HSBP1: variants seen among roughly 807,000 people sequenced by gnomAD.
The protein encoded by HSBP1 is heat shock factor-binding protein 1.
A neutral mutation model predicts 9.6 loss-of-function variants in HSBP1; 5 were observed. That is an observed-to-expected ratio of 0.52 (90% CI 0.27 to 1.09). HSBP1 has a LOEUF of 1.09. Among genes scored for constraint, HSBP1 ranks in the 50% least tolerant of loss-of-function variants. The probability of loss-of-function intolerance (pLI) is 0.11; values close to 1 mark genes in which losing one functional copy is unlikely to be tolerated. For missense variants in HSBP1, 121 were observed against 96.3 expected, an observed-to-expected ratio of 1.26 and a Z score of -1.07; for synonymous variants, 42 against 33.3, an observed-to-expected ratio of 1.26 and a Z score of -0.90.
rs1904741585 is a variant in HSBP1, at chr16:83,817,257, A to G, written c.*5839A>G. 1 of 152,258 alleles carries G rather than the reference A, an allele frequency of 6.6e-6. No individual in the cohort carries two copies. Among genetic ancestry groups the G allele is most frequent in the South Asian group, 2.1e-4 (1 of 4,838 alleles). 9.4% of individuals were successfully genotyped at this position (152,258 alleles called of 1,614,324 possible). ...CGTGTCAACCCAGCTGACACGTCCA[A>G]CTTGGACAATCAGGGCTTTGACCCC... On this transcript the variant is annotated 3_prime_UTR_variant, in exon 4 of 4. Transcript: ENST00000433866.
rs899821109 is a variant in HSBP1, at chr16:83,817,693, T to C, written c.*6275T>C. 2 of 152,248 alleles carry C rather than the reference T, an allele frequency of 1.3e-5. No homozygotes were observed. The highest frequency in any genetic ancestry group is 1.3e-4 in the Admixed American group (2 of 15,288). The allele number at this position is 152,248 out of a possible 1,614,324, so 9.4% of individuals were successfully genotyped here. On this transcript the variant is annotated 3_prime_UTR_variant, in exon 4 of 4. Coordinates refer to ENST00000433866, the MANE Select transcript of HSBP1 (RefSeq NM_001537.4). The stretch of plus-strand genomic sequence containing the variant: ...TATTAAATATCTTAAAGGTCTTTTA[T>C]GCAGAATATGCAGTTAATTTTGATG...
Position 83,812,164 on chromosome 16 carries a change from C to T in HSBP1, c.*746C>T, listed in dbSNP as rs1288508991. The T allele has an allele frequency of 6.6e-6, 1 of 152,600 alleles. No individual in the cohort carries two copies. 9.5% of individuals were successfully genotyped at this position (152,600 alleles called of 1,614,324 possible). On this transcript the variant is annotated 3_prime_UTR_variant, in exon 4 of 4. Transcript: ENST00000433866. ...TCAGTAGGACCCTACCTACGTGGTT[C>T]ATCTACAATGGTTACCATAAAAAAT...
At position 83,814,191 on chromosome 16, in the gene HSBP1, C is replaced by G. The variant is rs1336476045; in HGVS notation, c.*2773C>G. ...TGCAGGATGTGTTGTCATATCTAGC[C>G]CTGAAAGTTAACTGGTTACAGTTAC... On this transcript the variant is annotated 3_prime_UTR_variant, in exon 4 of 4. Coordinates refer to ENST00000433866, the MANE Select transcript of HSBP1 (RefSeq NM_001537.4). 1 of 152,134 alleles carries G rather than the reference C, an allele frequency of 6.6e-6. No individual in the cohort carries two copies. The highest frequency in any genetic ancestry group is 2.4e-5 in the African/African-American group (1 of 41,410). 9.4% of individuals were successfully genotyped at this position (152,134 alleles called of 1,614,324 possible).
At chr16:83,810,097 T>C (rs1209059304) in intron 3 of HSBP1, among the ~76,000 whole-genome samples, 1 of 151,944 alleles carries the variant, frequency 6.6e-6, no homozygotes, top group African/African-American at 2.4e-5. Flanking sequence ...AGATTTTCCA[T>C]TGCTTTTTTT....
rs577261966 is a variant in HSBP1 at position 83,818,379 on chromosome 16, A to G, written c.*6961A>G. The G allele has an allele frequency of 1.6e-4, 25 of 152,306 alleles. No homozygotes were observed. The highest frequency in any genetic ancestry group is 5.8e-4 in the African/African-American group (24 of 41,572). 9.4% of individuals were successfully genotyped at this position (152,306 alleles called of 1,614,324 possible). On this transcript the variant is annotated 3_prime_UTR_variant, in exon 4 of 4. Coordinates refer to ENST00000433866, the MANE Select transcript of HSBP1 (RefSeq NM_001537.4). Reference sequence around the variant, plus strand: ...AACTCTGGAATCACTGACCCCAGACATTGTTCCCTGCCATCCACTCTGCCA... The same window carrying G: ...AACTCTGGAATCACTGACCCCAGACGTTGTTCCCTGCCATCCACTCTGCCA...
chr16:83,808,175 C>G (rs914547108), intron 1 of HSBP1, 54 bp downstream of exon 1: 2 of 1,468,374 alleles, frequency 1.4e-6, no homozygotes, highest in African/African-American at 1.4e-5. Flanking sequence ...CGGCGCCGGG[C>G]CAAGCCCTGC....
At position 83,808,738 on chromosome 16, in the gene HSBP1, T is replaced by G; in HGVS notation, c.104T>G (p.Ile35Ser). 6.2e-7 allele frequency: 1 copy of G among 1,610,334 alleles called. No individual in the cohort carries two copies. The highest frequency in any genetic ancestry group is 8.5e-7 in the Non-Finnish European group (1 of 1,177,106). The change falls in exon 2 of 4, where the codon ATT (isoleucine) becomes AGT (serine). Residue 35 changes from isoleucine (I) to serine (S), a missense_variant. By Grantham distance (142) the Ile-to-Ser change is moderately radical. Coordinates refer to ENST00000433866, the MANE Select transcript of HSBP1 (RefSeq NM_001537.4). ...TTTCAGACCATGTCTGACCAGATCA[T>G]TGGGAGAAATATCCTTTTTATCTGC... ...DKFQTMSDQI[I>S]GRIDDMSSRI...
chr16:83,814,393 G>C lies in HSBP1; in HGVS notation c.*2975G>C, dbSNP rs939519819. 6.6e-6 allele frequency: 1 copy of C among 152,344 alleles called. No individual in the cohort carries two copies. The highest frequency in any genetic ancestry group is 2.4e-5 in the African/African-American group (1 of 41,458). 9.4% of individuals were successfully genotyped at this position (152,344 alleles called of 1,614,324 possible). A position where few individuals can be genotyped will look rare whatever the true frequency, so the allele number is the denominator to read the frequency against. ...GGGGAGTCAGGGGCACAAGGTCACAGCTGGTAATGATGACCCTGGAATGTC... is the reference window on the plus strand; with the variant it reads ...GGGGAGTCAGGGGCACAAGGTCACACCTGGTAATGATGACCCTGGAATGTC... On this transcript the variant is annotated 3_prime_UTR_variant, in exon 4 of 4. Coordinates refer to ENST00000433866, the MANE Select transcript of HSBP1 (RefSeq NM_001537.4).
intron 3 of HSBP1, among the ~76,000 whole-genome samples, chr16:83,810,639 C>T (rs575955738): frequency 6.6e-6 from 1 of 151,460 alleles, no homozygotes; most frequent in African/African-American, 2.4e-5. Context: ...GAGCTCGAGA[C>T]CAACCTGGCC....
rs886836347 is a variant in HSBP1 at position 83,814,957 on chromosome 16, C to T, written c.*3539C>T. The T allele has an allele frequency of 2.0e-5, 3 of 152,070 alleles. No individual in the cohort carries two copies. Among genetic ancestry groups the T allele is most frequent in the Non-Finnish European group, 4.4e-5 (3 of 68,016 alleles). 9.4% of individuals were successfully genotyped at this position (152,070 alleles called of 1,614,324 possible). A position where few individuals can be genotyped will look rare whatever the true frequency, so the allele number is the denominator to read the frequency against. On this transcript the variant is annotated 3_prime_UTR_variant, in exon 4 of 4. Coordinates refer to ENST00000433866, the MANE Select transcript of HSBP1 (RefSeq NM_001537.4). ...CCCAACCCGGGGGATAAAAAGACAC[C>T]CCCCCGCCACTCCGTGACCTATTAG...
chr16:83,811,130 T>C (rs2151030862), intron 3 of HSBP1, among the ~76,000 whole-genome samples: 1 of 152,338 alleles, frequency 6.6e-6, no homozygotes, highest in East Asian at 1.9e-4. Flanking sequence ...TTTTATATTA[T>C]GTGGCAATCA....
chr16:83,815,794 C>T lies in HSBP1; in HGVS notation c.*4376C>T, dbSNP rs1254115078. 1 of 152,184 alleles carries T rather than the reference C, an allele frequency of 6.6e-6. No individual in the cohort carries two copies. The highest frequency in any genetic ancestry group is 6.5e-5 in the Admixed American group (1 of 15,282). The allele number at this position is 152,184 out of a possible 1,614,324, so 9.4% of individuals were successfully genotyped here. ...CCTCATAAGAACACTCTTGACTGTCCTGCTTCACAATAATAATCTTCGCAA... is the reference window on the plus strand; with the variant it reads ...CCTCATAAGAACACTCTTGACTGTCTTGCTTCACAATAATAATCTTCGCAA... On this transcript the variant is annotated 3_prime_UTR_variant, in exon 4 of 4. Coordinates refer to ENST00000433866, the MANE Select transcript of HSBP1 (RefSeq NM_001537.4).
chr16:83,808,199 G>T lies in HSBP1; in HGVS notation c.45+78G>T, dbSNP rs1904505701. On this transcript the variant is annotated intron_variant, in intron 1 of 3. Transcript: ENST00000433866. ...GCCAAGCCCTGCTGGACAGAGGCGCGCCCACCGCGGCCGCGCGTGGCGTCT... is the reference window on the plus strand; with the variant it reads ...GCCAAGCCCTGCTGGACAGAGGCGCTCCCACCGCGGCCGCGCGTGGCGTCT... 6 of 1,224,934 alleles carry T rather than the reference G, an allele frequency of 4.9e-6. No homozygotes were observed. The South Asian group carries it at 8.7e-5, about 18-fold the overall frequency. The allele number at this position is 1,224,934 out of a possible 1,614,324, so 75.9% of individuals were successfully genotyped here.
At chr16:83,809,079 A>T in intron 2 of HSBP1, 1 of 545,586 alleles carries the variant, frequency 1.8e-6, no homozygotes. Context: ...AAATGAATAA[A>T]TTGAGGTTTA....
Position 83,813,172 on chromosome 16 carries a change from C to T in HSBP1, c.*1754C>T, listed in dbSNP as rs1048786337. ...GGGAAGCTGAGGAGCGGGAGGAGGGCTTGCCAAGACTGGCATTGCAGGAGA... is the reference window on the plus strand; with the variant it reads ...GGGAAGCTGAGGAGCGGGAGGAGGGTTTGCCAAGACTGGCATTGCAGGAGA... On this transcript the variant is annotated 3_prime_UTR_variant, in exon 4 of 4. Transcript: ENST00000433866. 2 of 152,284 alleles carry T rather than the reference C, an allele frequency of 1.3e-5. No homozygotes were observed. The highest frequency in any genetic ancestry group is 4.8e-5 in the African/African-American group (2 of 41,438). The allele number at this position is 152,284 out of a possible 1,614,324, so 9.4% of individuals were successfully genotyped here.
chr16:83,810,780 G>A (rs1233186553), intron 3 of HSBP1, among the ~76,000 whole-genome samples: 3 of 152,112 alleles, frequency 2.0e-5, no homozygotes, highest in Admixed American at 6.5e-5. Context: ...CTGCACTCCA[G>A]CCTGGGAGAC....
intron 2 of HSBP1, chr16:83,809,102 C>G (rs562408085): frequency 3.6e-6 from 2 of 559,460 alleles, no homozygotes; most frequent in South Asian, 4.8e-5. Context: ...GGTTCCATCA[C>G]TAGTAAGGGT....
Position 83,812,238 on chromosome 16 carries a change from TGAAAA to T in HSBP1, c.*825_*829del, listed in dbSNP as rs1447200930. The T allele has an allele frequency of 2.0e-5, 3 of 152,636 alleles. No homozygotes were observed. The highest frequency in any genetic ancestry group is 4.8e-5 in the African/African-American group (2 of 41,452). 9.5% of individuals were successfully genotyped at this position (152,636 alleles called of 1,614,324 possible). A position where few individuals can be genotyped will look rare whatever the true frequency, so the allele number is the denominator to read the frequency against. On this transcript the variant is annotated 3_prime_UTR_variant, in exon 4 of 4. Coordinates refer to ENST00000433866, the MANE Select transcript of HSBP1 (RefSeq NM_001537.4). The stretch of plus-strand genomic sequence containing the variant: ...CAGTCTTTCCTTTGAGCTAGTGACT[TGAAAA>T]GAAAGAGAGAAGGAAAAGAGACCAT...
At position 83,814,740 on chromosome 16, in the gene HSBP1, G is replaced by A. The variant is rs1220406382; in HGVS notation, c.*3322G>A. ...TTATTTGGAATTTAAACTATTCAGA[G>A]CTGGTAGAAAATGTGTGCTCCTGGA... On this transcript the variant is annotated 3_prime_UTR_variant, in exon 4 of 4. Transcript: ENST00000433866. 6.6e-6 allele frequency: 1 copy of A among 152,238 alleles called. No individual in the cohort carries two copies. The highest frequency in any genetic ancestry group is 1.5e-5 in the Non-Finnish European group (1 of 68,044). 9.4% of individuals were successfully genotyped at this position (152,238 alleles called of 1,614,324 possible). A position where few individuals can be genotyped will look rare whatever the true frequency, so the allele number is the denominator to read the frequency against.
Sources: gnomAD v4.1 joint callset for allele counts (sites outside exome capture counted in the v4.1 genomes callset) on GRCh38, gnomAD v4.1.1 for gene constraint, MANE v1.5 for transcripts, NCBI Gene and HGNC (gene_info 2026-07-23, HGNC 2026-07-21) for gene names.